The following ATXN3 variants were observed in gnomAD, a reference collection of about 807,000 sequenced individuals.
ATXN3 encodes ataxin-3.
A neutral mutation model predicts 58.2 loss-of-function variants in ATXN3; 28 were observed. The observed-to-expected ratio is 0.48, with a 90% CI of 0.36 to 0.66. The LOEUF (loss-of-function observed/expected upper bound fraction) is 0.66. ATXN3 is among the 30% of genes least tolerant of loss of function. The probability of loss-of-function intolerance (pLI) is 0.00; values close to 1 mark genes in which losing one functional copy is unlikely to be tolerated. For synonymous variants in ATXN3, 113 were observed against 138.5 expected (o/e 0.82, Z 1.29); for missense variants, 321 against 422.1 (o/e 0.76, Z 2.10).
rs1174378920 is a variant in ATXN3, at chr14:92,058,690, C to G, written c.*5630G>C. On this transcript the variant is annotated 3_prime_UTR_variant, in exon 11 of 11. Coordinates refer to ENST00000644486, the MANE Select transcript of ATXN3 (RefSeq NM_004993.6). ...TTTTCTAACGACCAGACAGGAAGGCCTGTGTGTGTAATAACAGCAAATGAA... is the reference window on the plus strand; with the variant it reads ...TTTTCTAACGACCAGACAGGAAGGCGTGTGTGTGTAATAACAGCAAATGAA... The G allele has an allele frequency of 2.0e-5, 3 of 152,126 alleles. No homozygotes were observed. Among genetic ancestry groups the G allele is most frequent in the African/African-American group, 7.2e-5 (3 of 41,410 alleles). 9.4% of individuals were successfully genotyped at this position (152,126 alleles called of 1,614,324 possible).
At chr14:92,064,475 A>G in intron 10 of ATXN3, 61 bp from the exon 11 acceptor site, 1 of 1,236,380 alleles carries the variant, frequency 8.1e-7, no homozygotes, top group South Asian at 1.3e-5. Flanking sequence ...AGTCATCAAA[A>G]GGCAAGTTCT....
chr14:92,094,846 T>C (rs1300438082), intron 3 of ATXN3, among the ~76,000 whole-genome samples: 1 of 152,134 alleles, frequency 6.6e-6, no homozygotes, highest in Admixed American at 6.6e-5. Flanking sequence ...AGCCCTGCAG[T>C]AGCCATTACC....
chr14:92,045,273 G>T (rs948260271), intron 2 of ATXN3, among the ~76,000 whole-genome samples: 6 of 152,106 alleles, frequency 3.9e-5, no homozygotes, highest in Admixed American at 2.0e-4. Flanking sequence ...GGGTATGAAG[G>T]TTCCACTGAA....
At chr14:92,104,180 G>A (rs2067571820) in intron 1 of ATXN3, among the ~76,000 whole-genome samples, 1 of 152,064 alleles carries the variant, frequency 6.6e-6, no homozygotes, top group Admixed American at 6.5e-5. Context: ...TCGCTCTGTT[G>A]CCCAGGCTGA....
chr14:92,045,807 T>C (rs1398520733), intron 2 of ATXN3, among the ~76,000 whole-genome samples: 1 of 152,076 alleles, frequency 6.6e-6, no homozygotes, highest in East Asian at 1.9e-4. Context: ...TGAGAAGAGA[T>C]TGATAGGTGG....
At chr14:92,076,061 T>C (rs1276833173) in intron 9 of ATXN3, among the ~76,000 whole-genome samples, 2 of 152,320 alleles carry the variant, frequency 1.3e-5, no homozygotes, top group South Asian at 2.1e-4. Context: ...TGCCTGACCC[T>C]GTTTACTAAA....
At chr14:92,072,887 G>GA (rs2059686973) in intron 9 of ATXN3, among the ~76,000 whole-genome samples, 1 of 152,114 alleles carries the variant, frequency 6.6e-6, no homozygotes, top group African/African-American at 2.4e-5. Context: ...GAACAATAAA[G>GA]AAAGTTCAAC....
At chr14:92,101,028 TAAAA>T (rs2066648514) in intron 1 of ATXN3, among the ~76,000 whole-genome samples, 1 of 139,496 alleles carries the variant, frequency 7.2e-6, no homozygotes, top group African/African-American at 2.6e-5. Context: ...ATTCTCTCTA[TAAAA>T]AATAGCTTTA....
At chr14:92,053,998 G>C (rs561708141), downstream of ATXN3, among the ~76,000 whole-genome samples, 2 of 151,554 alleles carry the variant, frequency 1.3e-5, no homozygotes, top group Non-Finnish European at 2.9e-5. Context: ...TGCATGGCGC[G>C]ATATCTGCTT....
chr14:92,050,608 A>C (rs751968778), upstream of ATXN3: 1 of 152,308 alleles, frequency 6.6e-6, no homozygotes, highest in Non-Finnish European at 1.5e-5. Flanking sequence ...CCATTACTCA[A>C]GCAGTGGGAT....
At chr14:92,076,737 C>T (rs931713223) in intron 9 of ATXN3, among the ~76,000 whole-genome samples, 10 of 151,672 alleles carry the variant, frequency 6.6e-5, no homozygotes, top group South Asian at 2.1e-4. Flanking sequence ...CTCAGGAGTT[C>T]GAAACCAGCC....
intron 9 of ATXN3, among the ~76,000 whole-genome samples, chr14:92,078,298 TTAAAA>T (rs1416729716): frequency 6.6e-6 from 1 of 152,112 alleles, no homozygotes; most frequent in Non-Finnish European, 1.5e-5. Flanking sequence ...TTGATATTTC[TTAAAA>T]TAAAATTTTT....
chr14:92,068,386 A>G (rs117235977), intron 10 of ATXN3, among the ~76,000 whole-genome samples: 269 of 152,246 alleles, frequency 1.8e-3, no homozygotes, highest in Non-Finnish European at 3.0e-3. Flanking sequence ...AAAGGTTTTT[A>G]TCTTGCTAGG....
In ATXN3 at chr14:92,063,220, T is replaced by G. The variant is rs2057900631; in HGVS notation, c.*1100A>C. Reference sequence around the variant, plus strand: ...ACATATTTTCATTAGTAAATTATTTTCATGTTCCAGATCACCATCTTTGAC... The same window carrying G: ...ACATATTTTCATTAGTAAATTATTTGCATGTTCCAGATCACCATCTTTGAC... On this transcript the variant is annotated 3_prime_UTR_variant, in exon 11 of 11. Transcript: ENST00000644486. 1 of 152,648 alleles carries G rather than the reference T, an allele frequency of 6.6e-6. No homozygotes were observed. 9.5% of individuals were successfully genotyped at this position (152,648 alleles called of 1,614,324 possible). A position where few individuals can be genotyped will look rare whatever the true frequency, so the allele number is the denominator to read the frequency against.
chr14:92,082,053 T>G (rs2061566760), intron 8 of ATXN3, among the ~76,000 whole-genome samples: 1 of 152,242 alleles, frequency 6.6e-6, no homozygotes, highest in African/African-American at 2.4e-5. Context: ...AATTTACTAT[T>G]GTGTTAGTAC....
chr14:92,095,431 A>C (rs1250044103), intron 3 of ATXN3, among the ~76,000 whole-genome samples: 1 of 151,684 alleles, frequency 6.6e-6, no homozygotes, highest in Non-Finnish European at 1.5e-5. Context: ...TTTAGTAGAG[A>C]CGGGGTTTCA....
chr14:92,052,437 G>A (rs1181121840), upstream of ATXN3, among the ~76,000 whole-genome samples: 2 of 151,876 alleles, frequency 1.3e-5, no homozygotes, highest in African/African-American at 4.8e-5. Context: ...GCGGTGAGCT[G>A]GATATAGCGC....
chr14:92,076,001 G>T (rs12436791), intron 9 of ATXN3, among the ~76,000 whole-genome samples: 68,548 of 152,046 alleles, frequency 0.45, 16,680 homozygotes, highest in African/African-American at 0.64. Context: ...CCTCCACCAA[G>T]TAGGAAGGAG....
At chr14:92,067,377 C>T (rs1354283590) in intron 10 of ATXN3, among the ~76,000 whole-genome samples, 2 of 152,112 alleles carry the variant, frequency 1.3e-5, no homozygotes, top group Non-Finnish European at 2.9e-5. Context: ...TTCAGCCCCA[C>T]CCTTTCTCAT....
Sources: allele counts gnomAD v4.1 joint callset (sites outside exome capture counted in the v4.1 genomes callset), GRCh38; gene constraint gnomAD v4.1.1; transcripts MANE v1.5; gene names NCBI Gene and HGNC (gene_info 2026-07-23, HGNC 2026-07-21).